TYW1: variants seen among roughly 807,000 people sequenced by gnomAD.
TYW1 encodes tRNA-yW synthesizing protein 1 homolog.
Under a neutral mutation model 96.2 loss-of-function variants are expected in TYW1, and 46 were observed. That is an observed-to-expected ratio of 0.48 (90% CI 0.38 to 0.61). The LOEUF is 0.61. Ranked by LOEUF, TYW1 falls within the 20% of genes least tolerant of loss-of-function variation. The pLI is 0.00. For synonymous variants in TYW1, 274 were observed against 323.0 expected, an observed-to-expected ratio of 0.85 and a Z score of 1.63; for missense variants, 684 against 909.6, an observed-to-expected ratio of 0.75 and a Z score of 3.19.
chr7:67,022,439 C>G (rs1251153599), intron 6 of TYW1, among the ~76,000 whole-genome samples: 3 of 152,106 alleles, frequency 2.0e-5, no homozygotes, highest in Non-Finnish European at 4.4e-5. Context: ...TCCCTGATGT[C>G]TCTTCTGTGT....
intron 6 of TYW1, among the ~76,000 whole-genome samples, chr7:67,019,788 T>C (rs1794177632): frequency 1.3e-5 from 2 of 152,292 alleles, no homozygotes; most frequent in African/African-American, 4.8e-5. Context: ...TACCAAGTTG[T>C]TGGACAGAAA....
chr7:67,224,369 CGCCT>C (rs2116427297), intron 15 of TYW1, among the ~76,000 whole-genome samples: 1 of 152,308 alleles, frequency 6.6e-6, no homozygotes, highest in South Asian at 2.1e-4. Flanking sequence ...TCAAGTGATC[CGCCT>C]GCCTTGGCCT....
intron 3 of TYW1, among the ~76,000 whole-genome samples, chr7:67,002,234 A>G (rs1793421703): frequency 1.3e-5 from 2 of 151,570 alleles, no homozygotes; most frequent in Non-Finnish European, 1.5e-5. Context: ...TTTTTTTTGT[A>G]GAGATGGGGT....
At chr7:67,140,204 G>A (rs28572546) in intron 13 of TYW1, among the ~76,000 whole-genome samples, 46 of 150,182 alleles carry the variant, frequency 3.1e-4, no homozygotes, top group Admixed American at 1.3e-3. Flanking sequence ...CTCCTACCAG[G>A]TCCCCCCACA....
chr7:66,997,748 C>T (rs753980973), intron 1 of TYW1, among the ~76,000 whole-genome samples: 10 of 151,652 alleles, frequency 6.6e-5, no homozygotes, highest in Non-Finnish European at 1.3e-4. Context: ...CCTGCCTCAG[C>T]CCCCCGAGTA....
At chr7:67,042,007 T>C (rs1795039763) in intron 7 of TYW1, among the ~76,000 whole-genome samples, 3 of 146,222 alleles carry the variant, frequency 2.1e-5, no homozygotes, top group East Asian at 3.9e-4. Context: ...AATTAATGTA[T>C]AATTATATTA....
At chr7:67,072,040 C>T (rs4404813) in intron 10 of TYW1, among the ~76,000 whole-genome samples, 41,333 of 147,740 alleles carry the variant, frequency 0.28, 5,802 homozygotes, top group African/African-American at 0.32. Context: ...TCCTAGGCCG[C>T]TTCTTAGCAT....
intron 15 of TYW1, among the ~76,000 whole-genome samples, chr7:67,213,030 C>T (rs1240767122): frequency 6.6e-6 from 1 of 152,056 alleles, no homozygotes; most frequent in African/African-American, 2.4e-5. Flanking sequence ...TGCCACCACA[C>T]CCAGCTAATT....
chr7:67,027,573 A>C (rs1297367003), intron 7 of TYW1, among the ~76,000 whole-genome samples: 1 of 152,154 alleles, frequency 6.6e-6, no homozygotes, highest in African/African-American at 2.4e-5. Context: ...AACAGGAGGA[A>C]CTATTTGCCT....
intron 15 of TYW1, among the ~76,000 whole-genome samples, chr7:67,210,764 G>GTCCATCCATCCATCCATCCATCCATCCA (rs1554394279): frequency 1.1e-4 from 16 of 144,096 alleles, no homozygotes; most frequent in South Asian, 6.9e-4. Flanking sequence ...TCGTCTGTCC[G>GTCCATCCATCCATCCATCCATCCATCCA]TCCATCCATC....
At chr7:67,068,677 C>T (rs984098608) in intron 10 of TYW1, among the ~76,000 whole-genome samples, 1 of 152,116 alleles carries the variant, frequency 6.6e-6, no homozygotes, top group African/African-American at 2.4e-5. Flanking sequence ...AAACCATTTC[C>T]GTGGCTTCAT....
At chr7:67,025,157 A>G in intron 7 of TYW1, 135 bp downstream of exon 7, 2 of 1,458,198 alleles carry the variant, frequency 1.4e-6, no homozygotes, top group Non-Finnish European at 1.8e-6. Context: ...GAGTTTTATA[A>G]TTTTTTTGCC....
rs189752596 is a variant in TYW1, at chr7:67,011,129, C to T, written c.375+1445C>T. Among the ~76,000 whole-genome samples the T allele has an allele frequency of 5.8e-4, 88 of 152,244 alleles. 1 individual carries two copies. The highest frequency in any genetic ancestry group is 3.4e-3 in the Middle Eastern group (1 of 294). ...CTTGGCTCACTGCAACCTCCAACTCCAGGGTTCAAGTGATTCTCCTACCTC... is the reference window on the plus strand; with the variant it reads ...CTTGGCTCACTGCAACCTCCAACTCTAGGGTTCAAGTGATTCTCCTACCTC... On this transcript the variant is annotated intron_variant, in intron 4 of 15. Transcript: ENST00000359626.
intron 7 of TYW1, among the ~76,000 whole-genome samples, chr7:67,045,360 G>A (rs1180464096): frequency 6.6e-6 from 1 of 151,290 alleles, no homozygotes; most frequent in Admixed American, 6.6e-5. Flanking sequence ...ACAGGCACAT[G>A]CCACCACACC....
intron 15 of TYW1, among the ~76,000 whole-genome samples, chr7:67,230,316 T>C (rs1801708457): frequency 6.9e-6 from 1 of 145,520 alleles, no homozygotes; most frequent in African/African-American, 2.6e-5. Context: ...GTCCTCTCCT[T>C]TCCTCTGCCC....
At chr7:67,188,118 C>T (rs1800086366) in intron 14 of TYW1, among the ~76,000 whole-genome samples, 1 of 152,118 alleles carries the variant, frequency 6.6e-6, no homozygotes, top group African/African-American at 2.4e-5. Context: ...GTCAGGAGTT[C>T]GAGACCAGCC....
chr7:67,041,116 G>A lies in TYW1; in HGVS notation c.985-8833G>A, dbSNP rs565487774. ...ATCATCAGGTCTTTGGGAAAAATAC[G>A]TGTTTTTTCCCAATTTTGGTATGAC... is the stretch of plus-strand genomic sequence containing the variant. On this transcript the variant is annotated intron_variant, in intron 7 of 15. Transcript: ENST00000359626. 1.2e-4 allele frequency among the ~76,000 whole-genome samples: 18 copies of A among 152,084 alleles called. No individual in the cohort carries two copies. The South Asian group carries it at 1.5e-3, about 12-fold the overall frequency.
intron 14 of TYW1, among the ~76,000 whole-genome samples, chr7:67,193,232 G>A (rs903932605): frequency 1.1e-4 from 17 of 152,178 alleles, no homozygotes; most frequent in Non-Finnish European, 2.1e-4. Context: ...CTTGAACTCC[G>A]TTTAATGAAT....
At chr7:67,229,242 G>A (rs1801666814) in intron 15 of TYW1, among the ~76,000 whole-genome samples, 1 of 152,058 alleles carries the variant, frequency 6.6e-6, no homozygotes, top group Non-Finnish European at 1.5e-5. Flanking sequence ...AGTACCTTAA[G>A]AATTTAGAAT....
Sources: gnomAD v4.1 joint callset for allele counts (sites outside exome capture counted in the v4.1 genomes callset) on GRCh38, gnomAD v4.1.1 for gene constraint, MANE v1.5 for transcripts, NCBI Gene and HGNC (gene_info 2026-07-23, HGNC 2026-07-21) for gene names.